SELP: variants seen among roughly 807,000 people sequenced by gnomAD.
SELP encodes P-selectin.
SELP carries 92 observed loss-of-function variants against 104.1 expected under a neutral mutation model. The observed-to-expected ratio is 0.88, with a 90% confidence interval of 0.75 to 1.05. The LOEUF (loss-of-function observed/expected upper bound fraction) is 1.05. SELP is among the 50% of genes least tolerant of loss of function. SELP has a pLI of 0.00. For synonymous variants in SELP, 397 were observed against 364.5 expected (o/e 1.09, Z -1.01); for missense variants, 1,022 against 1,017.3 (o/e 1.00, Z -0.06).
chr1:169,612,155 CT>C, intron 6 of SELP, 61 bp downstream of exon 6: 1 of 1,527,632 alleles, frequency 6.5e-7, no homozygotes, highest in Non-Finnish European at 9.0e-7. Flanking sequence ...TCAATTTCAT[CT>C]ATGCACTAAG....
At chr1:169,629,476 G>T (rs1663530618) in intron 1 of SELP, among the ~76,000 whole-genome samples, 1 of 152,192 alleles carries the variant, frequency 6.6e-6, no homozygotes, top group African/African-American at 2.4e-5. Context: ...TTTTATAGAA[G>T]AAGAAACTGA....
chr1:169,620,726 C>T (rs1186316358), intron 1 of SELP, among the ~76,000 whole-genome samples: 6 of 108,736 alleles, frequency 5.5e-5, no homozygotes, highest in African/African-American at 1.1e-4. Flanking sequence ...GGACGGTGTG[C>T]GGTTGTGTGT....
intron 12 of SELP, 97 bp downstream of exon 12, chr1:169,595,828 G>T: frequency 1.0e-6 from 1 of 993,192 alleles, no homozygotes; most frequent in Non-Finnish European, 1.6e-6. Flanking sequence ...TGGAGTAGTG[G>T]TTGTGGTTGG....
intron 4 of SELP, 28 bp downstream of exon 4, chr1:169,613,558 A>C (rs1280382968): frequency 7.6e-6 from 12 of 1,577,210 alleles, no homozygotes; most frequent in Non-Finnish European, 1.0e-5. Flanking sequence ...ATAAAACCAA[A>C]ATAATATCAA....
intron 1 of SELP, among the ~76,000 whole-genome samples, chr1:169,628,407 A>C (rs1663481370): frequency 6.6e-6 from 1 of 152,248 alleles, no homozygotes; most frequent in African/African-American, 2.4e-5. Context: ...TTTGGGGCCA[A>C]ATGTGCTCAG....
chr1:169,625,258 T>G (rs1663320465), intron 1 of SELP, among the ~76,000 whole-genome samples: 1 of 152,202 alleles, frequency 6.6e-6, no homozygotes, highest in Admixed American at 6.5e-5. Context: ...AATGCTTCCC[T>G]TAGCTCTTCT....
Position 169,607,034 on chromosome 1 carries a change from G to T in SELP, c.1434C>A (p.Cys478Ter), listed in dbSNP as rs760373213. ...CTCCCACCAGGAGCAAGCCTTCATT[G>T]CAGGTGAAGCTGCAGACTGACTGGT... is the stretch of plus-strand genomic sequence containing the variant. ...FRYQSVCSFT[C>*]NEGLLLVGAS... The change falls in exon 9 of 17, where the codon TGC becomes TGA. Residue 478 changes from cysteine to a stop codon, truncating the protein, a stop_gained. Transcript: ENST00000263686. LOFTEE classifies it high-confidence loss of function. 10 of 1,613,640 alleles carry T rather than the reference G, an allele frequency of 6.2e-6. No homozygotes were observed. The Admixed American group carries it at 8.3e-5, about 13-fold the overall frequency.
At position 169,612,142 on chromosome 1, in the gene SELP, T is replaced by G. The variant is rs1041557402; in HGVS notation, c.961+75A>C. The G allele has an allele frequency of 9.6e-6, 14 of 1,454,062 alleles. No homozygotes were observed. In the East Asian group the frequency reaches 3.2e-4, roughly 33 times the overall value. The allele number at this position is 1,454,062 out of a possible 1,614,324, so 90.1% of individuals were successfully genotyped here. A position where few individuals can be genotyped will look rare whatever the true frequency, so the allele number is the denominator to read the frequency against. The stretch of plus-strand genomic sequence containing the variant: ...AATTCAGGCCAGCTTCTCCATAAGC[T>G]GGTCAATTTCATCTATGCACTAAGT... On this transcript the variant is annotated intron_variant, in intron 6 of 16. Coordinates refer to ENST00000263686, the MANE Select transcript of SELP (RefSeq NM_003005.4).
intron 7 of SELP, 139 bp downstream of exon 7, chr1:169,611,353 C>T (rs1175537858): frequency 1.3e-6 from 1 of 789,532 alleles, no homozygotes; most frequent in Non-Finnish European, 2.0e-6. Context: ...ATGAGAAAAC[C>T]ATGGTTCCTG....
At position 169,609,499 on chromosome 1, in the gene SELP, A is replaced by G. The variant is rs1662380838; in HGVS notation, c.1333+5T>C. The G allele has an allele frequency of 2.5e-6, 4 of 1,609,540 alleles. No homozygotes were observed. The South Asian group carries it at 4.4e-5, about 18-fold the overall frequency. On this transcript the variant is annotated splice_donor_5th_base_variant and intron_variant, in intron 8 of 16. Transcript: ENST00000263686. ...CACAGAAAAACATTACCACTGTTAC[A>G]GTACCTTGACAGACTGGGGCTGGTG...
chr1:169,626,980 G>A (rs1275804488), intron 1 of SELP, among the ~76,000 whole-genome samples: 4 of 150,734 alleles, frequency 2.7e-5, no homozygotes, highest in East Asian at 1.9e-4. Context: ...AGAGTAGTGC[G>A]ATACTTTTTT....
chr1:169,621,957 G>A (rs934530375), intron 1 of SELP, among the ~76,000 whole-genome samples: 2 of 152,160 alleles, frequency 1.3e-5, no homozygotes, highest in Admixed American at 6.5e-5. Context: ...ACCAGGATAA[G>A]GCTGACTTCC....
intron 8 of SELP, 140 bp downstream of exon 8, chr1:169,609,364 G>C: frequency 2.5e-6 from 2 of 788,832 alleles, no homozygotes; most frequent in Non-Finnish European, 3.9e-6. Context: ...TCTCATCCCT[G>C]GTCCCAAGCA....
At chr1:169,628,903 ATTCC>A (rs3917660) in intron 1 of SELP, among the ~76,000 whole-genome samples, 5,408 of 152,226 alleles carry the variant, frequency 0.036, 298 homozygotes, top group African/African-American at 0.12. Context: ...TCATACTCTT[ATTCC>A]TGTTTTCCCC....
intron 2 of SELP, among the ~76,000 whole-genome samples, chr1:169,617,984 C>A (rs1334995151): frequency 6.6e-6 from 1 of 152,180 alleles, no homozygotes; most frequent in Non-Finnish European, 1.5e-5. Flanking sequence ...TCCACCTATT[C>A]TCCATGGCTT....
intron 9 of SELP, 105 bp downstream of exon 9, chr1:169,606,844 G>T (rs1571644983): frequency 9.6e-7 from 1 of 1,037,722 alleles, no homozygotes; most frequent in Non-Finnish European, 1.4e-6. Flanking sequence ...GAATTTTCCA[G>T]TCCATTTCAA....
intron 5 of SELP, 35 bp downstream of exon 5, chr1:169,612,894 T>C (rs3917722): frequency 5.3e-6 from 8 of 1,514,380 alleles, no homozygotes; most frequent in South Asian, 1.3e-5. Context: ...CAAAATTCTA[T>C]GTCAGTGAGG....
chr1:169,619,116 G>T lies in SELP; in HGVS notation c.94+13C>A. ...TTACTTAGGCCTAAGTGAAAAGTTA[G>T]CATAAAGTTTACCAGAGATCAGGGC... On this transcript the variant is annotated intron_variant, in intron 2 of 16. Transcript: ENST00000263686. The T allele has an allele frequency of 6.2e-7, 1 of 1,601,918 alleles. No individual in the cohort carries two copies. The highest frequency in any genetic ancestry group is 8.6e-7 in the Non-Finnish European group (1 of 1,169,216).
At position 169,598,935 on chromosome 1, in the gene SELP, G is replaced by T. The variant is rs979405537; in HGVS notation, c.1706-1759C>A. ...TAAAAATTAACCGAAGGGGGCCCTA[G>T]TATAAAATGAGAACTACTACAGCAT... is the stretch of plus-strand genomic sequence containing the variant. On this transcript the variant is annotated intron_variant, in intron 10 of 16. Coordinates refer to ENST00000263686, the MANE Select transcript of SELP (RefSeq NM_003005.4). 2.0e-5 allele frequency among the ~76,000 whole-genome samples: 3 copies of T among 152,302 alleles called. No homozygotes were observed. The East Asian group carries it at 5.8e-4, about 29-fold the overall frequency.
Sources: allele counts gnomAD v4.1 joint callset (sites outside exome capture counted in the v4.1 genomes callset), GRCh38; gene constraint gnomAD v4.1.1; transcripts MANE v1.5; gene names NCBI Gene and HGNC (gene_info 2026-07-23, HGNC 2026-07-21).